Variants in PAPSS1 observed in about 807,000 individuals in gnomAD.
PAPSS1 encodes the protein bifunctional 3'-phosphoadenosine 5'-phosphosulfate synthase 1.
In PAPSS1, 50 loss-of-function variants were observed where a neutral mutation model predicts 72.0. The ratio of observed to expected loss-of-function variants is 0.69; its 90% CI spans 0.55 to 0.88. The LOEUF is 0.88. PAPSS1 is among the 40% of genes least tolerant of loss of function. PAPSS1 has a pLI of 0.00. For missense variants in PAPSS1, 657 were observed against 782.2 expected (o/e 0.84, Z 1.91); for synonymous variants, 261 against 263.6 (o/e 0.99, Z 0.09).
chr4:107,618,311 G>C (rs1725874403), intron 11 of PAPSS1, among the ~76,000 whole-genome samples: 2 of 150,740 alleles, frequency 1.3e-5, no homozygotes, highest in Non-Finnish European at 3.0e-5. Flanking sequence ...AGTTTTAATA[G>C]ATGATAAAAG....
Position 107,654,723 on chromosome 4 carries a change from G to T in PAPSS1, c.1073C>A (p.Thr358Lys). 3 of 1,613,220 alleles carry T rather than the reference G, an allele frequency of 1.9e-6. No homozygotes were observed. In the South Asian group the frequency reaches 3.3e-5, roughly 18 times the overall value. The change falls in exon 8 of 12, where the codon ACG (threonine) becomes AAG (lysine). Residue 358 changes from threonine to lysine, a missense_variant. Thr to Lys is a moderately conservative substitution (Grantham distance 78). Transcript: ENST00000265174. The part of the protein sequence containing the change: ...KEERCARQWG[T>K]TCKNHPYIKM... ...AATATAGGGGTGGTTCTTGCATGTC[G>T]TTCCCCACTGTCTGGCACAGCGCTC...
At chr4:107,660,905 A>G (rs568925814) in intron 5 of PAPSS1, among the ~76,000 whole-genome samples, 2 of 152,190 alleles carry the variant, frequency 1.3e-5, no homozygotes, top group East Asian at 3.9e-4. Context: ...GTAATTCTCA[A>G]AAGATTGAGA....
At chr4:107,710,972 G>A (rs780041178) in intron 1 of PAPSS1, among the ~76,000 whole-genome samples, 5 of 152,180 alleles carry the variant, frequency 3.3e-5, no homozygotes, top group African/African-American at 4.8e-5. Context: ...CTGTAAACTC[G>A]CTGAGTCATT....
intron 11 of PAPSS1, among the ~76,000 whole-genome samples, chr4:107,629,499 T>C (rs896566936): frequency 1.4e-4 from 21 of 152,204 alleles, no homozygotes; most frequent in African/African-American, 4.6e-4. Context: ...GAGCAAACTT[T>C]CCACTTGACT....
Position 107,631,740 on chromosome 4 carries a change from C to T in PAPSS1, c.1627G>A (p.Ala543Thr). Reference sequence around the variant, plus strand: ...CCAGGGGCCATCGTCAGCACTTTGGCACCATGACTTGGCTCATAAAGATCC... The same window carrying T: ...CCAGGGGCCATCGTCAGCACTTTGGTACCATGACTTGGCTCATAAAGATCC... ...GKDLYEPSHG[A>T]KVLTMAPGLI... The change falls in exon 11 of 12, where the codon GCC (alanine) becomes ACC (threonine). Residue 543 changes from alanine (A) to threonine (T), a missense_variant. Ala to Thr is a moderately conservative substitution (Grantham distance 58, BLOSUM62 0). Around this residue, in one of 7 missense-constraint regions of PAPSS1, gnomAD observed 166 missense variants for 228.3 expected, o/e 0.73. Transcript: ENST00000265174. The T allele has an allele frequency of 1.2e-6, 2 of 1,614,040 alleles. No homozygotes were observed. Among genetic ancestry groups the T allele is most frequent in the Non-Finnish European group, 1.7e-6 (2 of 1,179,938 alleles).
chr4:107,693,662 G>A (rs1378700831), intron 3 of PAPSS1, 109 bp downstream of exon 3: 20 of 709,864 alleles, frequency 2.8e-5, no homozygotes, highest in Non-Finnish European at 4.7e-5. Context: ...AGCTGGGGAG[G>A]AGTAGAGTTA....
At chr4:107,632,127 A>T (rs1726240277) in intron 10 of PAPSS1, among the ~76,000 whole-genome samples, 1 of 152,146 alleles carries the variant, frequency 6.6e-6, no homozygotes, top group Non-Finnish European at 1.5e-5. Context: ...AGATATATGT[A>T]AACATACATG....
intron 11 of PAPSS1, among the ~76,000 whole-genome samples, chr4:107,627,797 A>G (rs370394729): frequency 1.8e-4 from 27 of 152,282 alleles, no homozygotes; most frequent in South Asian, 1.2e-3. Flanking sequence ...AAATCCTTTT[A>G]TAACTCTCAG....
intron 3 of PAPSS1, among the ~76,000 whole-genome samples, chr4:107,690,851 C>A (rs181188049): frequency 1.3e-5 from 2 of 152,174 alleles, no homozygotes; most frequent in Non-Finnish European, 1.5e-5. Context: ...CTCTTAGATA[C>A]CCAGGTGTCG....
intron 9 of PAPSS1, among the ~76,000 whole-genome samples, chr4:107,652,646 T>C (rs1460904668): frequency 2.6e-5 from 4 of 152,214 alleles, no homozygotes; most frequent in Admixed American, 2.0e-4. Context: ...AAACATTTTT[T>C]AAATGAAGTG....
intron 5 of PAPSS1, among the ~76,000 whole-genome samples, chr4:107,668,787 A>T (rs563175340): frequency 1.2e-3 from 189 of 152,186 alleles, no homozygotes; most frequent in African/African-American, 4.3e-3. Context: ...TATATATATA[A>T]AATATATATA....
chr4:107,703,300 T>C (rs1426434736), intron 1 of PAPSS1, among the ~76,000 whole-genome samples: 1 of 152,128 alleles, frequency 6.6e-6, no homozygotes, highest in African/African-American at 2.4e-5. Context: ...TCCCATTCTG[T>C]AGGTTGTCTC....
At chr4:107,624,518 A>AAT (rs1401232106) in intron 11 of PAPSS1, among the ~76,000 whole-genome samples, 1 of 152,248 alleles carries the variant, frequency 6.6e-6, no homozygotes, top group African/African-American at 2.4e-5. Flanking sequence ...TAATAAATGA[A>AAT]TAATGCAAAG....
intron 10 of PAPSS1, among the ~76,000 whole-genome samples, chr4:107,641,986 C>T (rs1037855836): frequency 3.9e-5 from 6 of 152,108 alleles, no homozygotes; most frequent in Non-Finnish European, 8.8e-5. Flanking sequence ...TACATTGATC[C>T]TATTTTCTCC....
intron 11 of PAPSS1, among the ~76,000 whole-genome samples, chr4:107,615,232 T>C (rs564586196): frequency 6.6e-6 from 1 of 152,250 alleles, no homozygotes; most frequent in South Asian, 2.1e-4. Flanking sequence ...AGAGCACGTA[T>C]AGCTATGGCA....
chr4:107,704,109 T>C (rs776962540), intron 1 of PAPSS1, among the ~76,000 whole-genome samples: 2 of 152,224 alleles, frequency 1.3e-5, no homozygotes, highest in African/African-American at 2.4e-5. Context: ...TGGTAGCAAC[T>C]ATAAATGAGA....
At position 107,614,158 on chromosome 4, in the gene PAPSS1, G is replaced by A. The variant is rs2110292238; in HGVS notation, c.*91C>T. ...GGTCTGTTTTTAGGAAGCATGTCCAGACAGACACCACAAAGAAATGCCAAC... is the reference window on the plus strand; with the variant it reads ...GGTCTGTTTTTAGGAAGCATGTCCAAACAGACACCACAAAGAAATGCCAAC... On this transcript the variant is annotated 3_prime_UTR_variant, in exon 12 of 12. Transcript: ENST00000265174. 1 of 1,359,424 alleles carries A rather than the reference G, an allele frequency of 7.4e-7. No homozygotes were observed. The highest frequency in any genetic ancestry group is 1.0e-6 in the Non-Finnish European group (1 of 981,940). The allele number at this position is 1,359,424 out of a possible 1,614,324, so 84.2% of individuals were successfully genotyped here.
At chr4:107,703,673 T>C (rs1224706224) in intron 1 of PAPSS1, among the ~76,000 whole-genome samples, 1 of 152,180 alleles carries the variant, frequency 6.6e-6, no homozygotes, top group East Asian at 1.9e-4. Flanking sequence ...TATAAATGCA[T>C]GTATTTATAT....
chr4:107,618,403 A>G (rs1490192750), intron 11 of PAPSS1, among the ~76,000 whole-genome samples: 1 of 151,674 alleles, frequency 6.6e-6, no homozygotes, highest in Non-Finnish European at 1.5e-5. Flanking sequence ...AAACGAGAGA[A>G]GGCTTACCAA....
Sources: allele counts gnomAD v4.1 joint callset (sites outside exome capture counted in the v4.1 genomes callset), GRCh38; gene constraint gnomAD v4.1.1; regional missense constraint gnomAD v4.1.1; transcripts MANE v1.5; gene names NCBI Gene and HGNC (gene_info 2026-07-23, HGNC 2026-07-21).